The following CSMD1 variants were observed in gnomAD, a reference collection of about 807,000 sequenced individuals.
CSMD1 encodes CUB and Sushi multiple domains 1, also known as CUB and sushi domain-containing protein 1.
CSMD1 carries 213 observed loss-of-function variants against 417.5 expected under a neutral mutation model. The observed-to-expected ratio is 0.51, with a 90% CI of 0.46 to 0.57. CSMD1 has a LOEUF of 0.57. Among genes scored for constraint, CSMD1 ranks in the 20% least tolerant of loss-of-function variants. The pLI is 0.00. For synonymous variants in CSMD1, 2,862 were observed against 1,736.8 expected (o/e 1.65, Z -16.11); for missense variants, 6,923 against 4,529.7 (o/e 1.53, Z -15.17).
rs549927321 is a variant in CSMD1 at position 4,071,762 on chromosome 8, G to GACGAAAAAAA, written c.416-39664_416-39663insTTTTTTTCGT. ...TGAATATATTTATTTCGTCTTTGGGGTTTTATTTTTTATTCCTTGGCAGGA... is the reference window on the plus strand; with the variant it reads ...TGAATATATTTATTTCGTCTTTGGGGACGAAAAAAATTTTATTTTTTATTCCTTGGCAGGA... On this transcript the variant is annotated intron_variant, in intron 3 of 69. Coordinates refer to ENST00000635120, the MANE Select transcript of CSMD1 (RefSeq NM_033225.6). Among the ~76,000 whole-genome samples, 29 of 152,178 alleles carry GACGAAAAAAA rather than the reference G, an allele frequency of 1.9e-4. No homozygotes were observed. The East Asian group carries it at 4.6e-3, about 24-fold the overall frequency.
chr8:4,101,329 G>A (rs7011876), intron 3 of CSMD1, among the ~76,000 whole-genome samples: 1 of 152,096 alleles, frequency 6.6e-6, no homozygotes, highest in East Asian at 1.9e-4. Flanking sequence ...TGGAAGGAAA[G>A]ACAGTGCAAA....
At chr8:3,053,669 C>T (rs571561580) in intron 49 of CSMD1, among the ~76,000 whole-genome samples, 2 of 152,114 alleles carry the variant, frequency 1.3e-5, no homozygotes, top group Non-Finnish European at 2.9e-5. Context: ...TCTGTGTAAA[C>T]CCTTTCTTCT....
chr8:3,957,040 A>C lies in CSMD1; in HGVS notation c.818+40863T>G, dbSNP rs553584691. 2.0e-4 allele frequency among the ~76,000 whole-genome samples: 31 copies of C among 151,868 alleles called. 1 individual carries two copies. The South Asian group carries it at 4.7e-3, about 23-fold the overall frequency. On this transcript the variant is annotated intron_variant, in intron 5 of 69. Coordinates refer to ENST00000635120, the MANE Select transcript of CSMD1 (RefSeq NM_033225.6). ...TAGAGAGTGACAGGCCTATCTCAGA[A>C]GGAAGAAATAACGTAGGAGACAAAA...
chr8:2,955,778 C>T lies in CSMD1; in HGVS notation c.9815-10G>A, dbSNP rs951389685. On this transcript the variant is annotated splice_polypyrimidine_tract_variant and intron_variant, in intron 63 of 69. Transcript: ENST00000635120. ...TGTCTGCAGGCATGAGCTGAAACAA[C>T]ATTAGGAAACATTGAGACTTTGTTT... 7 of 1,610,320 alleles carry T rather than the reference C, an allele frequency of 4.3e-6. No individual in the cohort carries two copies. The highest frequency in any genetic ancestry group is 1.7e-5 in the Admixed American group (1 of 59,554).
At chr8:3,165,453 A>G (rs1286134715) in intron 37 of CSMD1, among the ~76,000 whole-genome samples, 1 of 151,550 alleles carries the variant, frequency 6.6e-6, no homozygotes, top group Non-Finnish European at 1.5e-5. Context: ...TATTTTTGAG[A>G]CAGAGTCTCA....
At chr8:3,851,843 C>A (rs1439923653) in intron 5 of CSMD1, among the ~76,000 whole-genome samples, 1 of 151,992 alleles carries the variant, frequency 6.6e-6, no homozygotes, top group African/African-American at 2.4e-5. Context: ...CCAGGAGGGT[C>A]GGGTGGGAGC....
chr8:3,860,206 G>C (rs937926706), intron 5 of CSMD1, among the ~76,000 whole-genome samples: 1 of 152,086 alleles, frequency 6.6e-6, no homozygotes, highest in East Asian at 1.9e-4. Flanking sequence ...ATGAAAGTAG[G>C]AACAGCACCA....
intron 25 of CSMD1, among the ~76,000 whole-genome samples, chr8:3,288,473 C>G (rs1372157612): frequency 6.8e-6 from 1 of 147,034 alleles, no homozygotes; most frequent in Non-Finnish European, 1.5e-5. Context: ...GCCTCAATTT[C>G]AGACCCTGTT....
At chr8:4,381,286 G>C (rs1479144242) in intron 3 of CSMD1, among the ~76,000 whole-genome samples, 1 of 152,282 alleles carries the variant, frequency 6.6e-6, no homozygotes, top group South Asian at 2.1e-4. Context: ...CCTTCCAGAG[G>C]TTGGGGAAAC....
At chr8:3,045,836 C>T (rs1225902044) in intron 50 of CSMD1, among the ~76,000 whole-genome samples, 2 of 152,106 alleles carry the variant, frequency 1.3e-5, no homozygotes, top group Non-Finnish European at 2.9e-5. Flanking sequence ...TTCCTCTATA[C>T]AATATGGTGA....
chr8:4,029,243 G>C (rs922678881), intron 4 of CSMD1, among the ~76,000 whole-genome samples: 11 of 152,174 alleles, frequency 7.2e-5, no homozygotes, highest in African/African-American at 2.4e-4. Context: ...TGAAAAACAG[G>C]ATGAAAACAA....
At chr8:4,188,610 T>A (rs373359232) in intron 3 of CSMD1, among the ~76,000 whole-genome samples, 1 of 152,284 alleles carries the variant, frequency 6.6e-6, no homozygotes, top group East Asian at 1.9e-4. Context: ...AGCTTAAGAT[T>A]CTGTGAGTAA....
chr8:4,032,045 T>A lies in CSMD1; in HGVS notation c.470A>T (p.His157Leu). ...NPGEILKGVL[H>L]GTRFNIGDKI... is the part of the protein sequence containing the mutation. Reference sequence around the variant, plus strand: ...GTCTCCTATGTTGAATCTCGTTCCATGCAGAACTCCTTTCAGGATTTCTCC... The same window carrying A: ...GTCTCCTATGTTGAATCTCGTTCCAAGCAGAACTCCTTTCAGGATTTCTCC... Residue 157 changes from histidine (H) to leucine (L), a missense_variant, in exon 4 of 70, where the codon CAT (histidine) becomes CTT (leucine). Physicochemically the swap from His to Leu is moderately conservative, Grantham distance 99. Transcript: ENST00000635120. 6.2e-7 allele frequency: 1 copy of A among 1,613,966 alleles called. No individual in the cohort carries two copies. The highest frequency in any genetic ancestry group is 8.5e-7 in the Non-Finnish European group (1 of 1,179,858).
chr8:4,059,976 C>A (rs546048200), intron 3 of CSMD1, among the ~76,000 whole-genome samples: 2 of 152,060 alleles, frequency 1.3e-5, no homozygotes, highest in Admixed American at 1.3e-4. Flanking sequence ...CAAAGCCGGG[C>A]AGAGACACAG....
chr8:4,219,797 TTAA>T (rs1212150702), intron 3 of CSMD1, among the ~76,000 whole-genome samples: 2 of 152,216 alleles, frequency 1.3e-5, no homozygotes, highest in African/African-American at 4.8e-5. Flanking sequence ...CCATTATGTA[TTAA>T]TGTCTTACTT....
intron 1 of CSMD1, among the ~76,000 whole-genome samples, chr8:4,664,827 T>G (rs1036032408): frequency 1.3e-5 from 2 of 152,198 alleles, no homozygotes; most frequent in East Asian, 3.9e-4. Context: ...CTTCTTTGTA[T>G]GCATTTCAAA....
intron 3 of CSMD1, among the ~76,000 whole-genome samples, chr8:4,089,200 C>G (rs1049338139): frequency 6.6e-6 from 1 of 152,144 alleles, no homozygotes; most frequent in Non-Finnish European, 1.5e-5. Flanking sequence ...GGCTGCCTGC[C>G]TTTTGTATTA....
intron 18 of CSMD1, among the ~76,000 whole-genome samples, chr8:3,379,837 G>T (rs1810524259): frequency 6.6e-6 from 1 of 152,098 alleles, no homozygotes; most frequent in Non-Finnish European, 1.5e-5. Context: ...CATAGGCATG[G>T]GCAAGGACTT....
chr8:3,943,094 G>C (rs191271408), intron 5 of CSMD1, among the ~76,000 whole-genome samples: 6 of 151,852 alleles, frequency 4.0e-5, no homozygotes, highest in African/African-American at 4.8e-5. Context: ...ACATTACCTG[G>C]GATTCAACTT....
Sources: allele counts gnomAD v4.1 joint callset (sites outside exome capture counted in the v4.1 genomes callset), GRCh38; gene constraint gnomAD v4.1.1; transcripts MANE v1.5; gene names NCBI Gene and HGNC (gene_info 2026-07-23, HGNC 2026-07-21).